Variants in BCAR3 observed in about 807,000 individuals in gnomAD.
The protein encoded by BCAR3 is breast cancer anti-estrogen resistance protein 3.
BCAR3 carries 37 observed loss-of-function variants against 80.1 expected under a neutral mutation model. That is an observed-to-expected ratio of 0.46 (90% confidence interval 0.36 to 0.61). BCAR3 has a LOEUF of 0.61. BCAR3 is among the 20% of genes least tolerant of loss of function. The pLI, the probability that BCAR3 is intolerant of heterozygous loss-of-function variation, is 0.00. For synonymous variants in BCAR3, 389 were observed against 418.9 expected, an observed-to-expected ratio of 0.93 and a Z score of 0.87; for missense variants, 978 against 1,068.2, an observed-to-expected ratio of 0.92 and a Z score of 1.18.
chr1:93,753,542 GTACACACACA>G (rs1183793243), intron 2 of BCAR3: 2 of 113,214 alleles, frequency 1.8e-5, no homozygotes, highest in East Asian at 5.4e-4. Context: ...ATGCACGCGG[GTACACACACA>G]CACACACACA....
chr1:93,810,192 C>CAA (rs111305058), intron 2 of BCAR3, among the ~76,000 whole-genome samples: 2 of 98,854 alleles, frequency 2.0e-5, no homozygotes, highest in Admixed American at 1.1e-4. Context: ...GACTCCATCT[C>CAA]AAAAAAAAAA....
intron 2 of BCAR3, among the ~76,000 whole-genome samples, chr1:93,797,064 T>C (rs939498244): frequency 1.8e-4 from 27 of 152,340 alleles, no homozygotes; most frequent in African/African-American, 6.3e-4. Flanking sequence ...TCCATAAATG[T>C]ATACCTTGTG....
chr1:93,846,319 C>A (rs1655177021), intron 1 of BCAR3, among the ~76,000 whole-genome samples: 1 of 152,194 alleles, frequency 6.6e-6, no homozygotes, highest in African/African-American at 2.4e-5. Context: ...CAGAAACGGG[C>A]TGTGGCCGAG....
chr1:93,634,720 C>CAACAA (rs201051828), intron 3 of BCAR3, among the ~76,000 whole-genome samples: 1 of 129,512 alleles, frequency 7.7e-6, no homozygotes, highest in Non-Finnish European at 1.7e-5. Context: ...ACAACAACAA[C>CAACAA]AAAAAAAAAA....
At chr1:93,607,479 C>G (rs1674806424) in intron 3 of BCAR3, among the ~76,000 whole-genome samples, 1 of 151,964 alleles carries the variant, frequency 6.6e-6, no homozygotes, top group African/African-American at 2.4e-5. Flanking sequence ...GCTTCAGGGG[C>G]CCAGGGAGGA....
chr1:93,739,532 A>G (rs1288982485), intron 2 of BCAR3, among the ~76,000 whole-genome samples: 1 of 152,206 alleles, frequency 6.6e-6, no homozygotes, highest in Non-Finnish European at 1.5e-5. Context: ...TTGCCTATAG[A>G]AATGTAGCCT....
chr1:93,574,941 T>C (rs1050140304), intron 8 of BCAR3, among the ~76,000 whole-genome samples: 1 of 152,198 alleles, frequency 6.6e-6, no homozygotes, highest in Admixed American at 6.5e-5. Context: ...GGGTATTTTC[T>C]ATGGGATGTA....
At chr1:93,730,102 A>G (rs1363501628) in intron 2 of BCAR3, among the ~76,000 whole-genome samples, 1 of 152,166 alleles carries the variant, frequency 6.6e-6, no homozygotes, top group Non-Finnish European at 1.5e-5. Context: ...TTTTCTTTCC[A>G]TATAAGCATC....
At chr1:93,695,663 A>C (rs1649363813) in intron 3 of BCAR3, among the ~76,000 whole-genome samples, 1 of 151,954 alleles carries the variant, frequency 6.6e-6, no homozygotes, top group Non-Finnish European at 1.5e-5. Flanking sequence ...TCTTCCTTTC[A>C]CTGAAGGCTC....
At chr1:93,779,381 T>G (rs1203722649) in intron 2 of BCAR3, among the ~76,000 whole-genome samples, 1 of 152,180 alleles carries the variant, frequency 6.6e-6, no homozygotes, top group Non-Finnish European at 1.5e-5. Flanking sequence ...AAAAGGAAAC[T>G]CCTAACCTCA....
In BCAR3 at chr1:93,618,024, G is replaced by T. The variant is rs552987357; in HGVS notation, c.357+24280C>A. ...CAAAGAGCCAGAGGGCCTGAGGGAG[G>T]AGAGCTGGGAAACCAGGGAGGACAG... On this transcript the variant is annotated intron_variant, in intron 3 of 11. Transcript: ENST00000260502. Among the ~76,000 whole-genome samples, 7 of 152,246 alleles carry T rather than the reference G, an allele frequency of 4.6e-5. 1 individual carries two copies. The highest frequency in any genetic ancestry group is 1.7e-4 in the African/African-American group (7 of 41,460).
intron 3 of BCAR3, among the ~76,000 whole-genome samples, chr1:93,691,183 A>T (rs1260109223): frequency 7.2e-5 from 11 of 152,150 alleles, no homozygotes; most frequent in Admixed American, 7.2e-4. Flanking sequence ...TCCTCTTTCC[A>T]CAACACCCAC....
chr1:93,562,574 C>A (rs1023419755), intron 11 of BCAR3, among the ~76,000 whole-genome samples, 155 bp from the exon 12 acceptor site: 9 of 151,908 alleles, frequency 5.9e-5, no homozygotes, highest in Admixed American at 5.2e-4. Context: ...TCGAGACCAT[C>A]CTGGCTAACA....
At chr1:93,675,177 G>A (rs570909445) in intron 1 of BCAR3, among the ~76,000 whole-genome samples, 7 of 152,086 alleles carry the variant, frequency 4.6e-5, no homozygotes, top group Non-Finnish European at 7.4e-5. Flanking sequence ...AAACCAAGAG[G>A]GCAAACACTT....
chr1:93,808,462 G>C (rs1013527475), intron 2 of BCAR3, among the ~76,000 whole-genome samples: 5 of 152,132 alleles, frequency 3.3e-5, no homozygotes, highest in Non-Finnish European at 7.4e-5. Flanking sequence ...TGTACCTCCT[G>C]TATAGCATTT....
chr1:93,763,164 G>A (rs1035492172), intron 2 of BCAR3, among the ~76,000 whole-genome samples: 2 of 152,132 alleles, frequency 1.3e-5, no homozygotes, highest in Non-Finnish European at 2.9e-5. Context: ...CCCAGGCTCA[G>A]GCAATCCTCC....
At chr1:93,663,976 T>C (rs963635929) in intron 2 of BCAR3, among the ~76,000 whole-genome samples, 2 of 152,238 alleles carry the variant, frequency 1.3e-5, no homozygotes, top group Non-Finnish European at 2.9e-5. Flanking sequence ...GTGTTTATCA[T>C]GTACCTCGAC....
Position 93,794,290 on chromosome 1 carries a change from A to C in BCAR3, c.-63+51277T>G, listed in dbSNP as rs2100778372. ...TCCCATTATTAATGTGTGGGAGTTTAAGTCTCTTTGTAGGTCACTCAGGAC... is the reference window on the plus strand; with the variant it reads ...TCCCATTATTAATGTGTGGGAGTTTCAGTCTCTTTGTAGGTCACTCAGGAC... On this transcript the variant is annotated intron_variant, in intron 2 of 13. Transcript: ENST00000370244. Among the ~76,000 whole-genome samples, 2 of 54,648 alleles carry C rather than the reference A, an allele frequency of 3.7e-5. 1 individual carries two copies. The highest frequency in any genetic ancestry group is 4.4e-4 in the Admixed American group (2 of 4,584). 35.9% of individuals were successfully genotyped at this position (54,648 alleles called of 152,430 possible).
At chr1:93,565,126 G>A (rs1008543931) in intron 11 of BCAR3, among the ~76,000 whole-genome samples, 16 of 151,670 alleles carry the variant, frequency 1.1e-4, no homozygotes, top group Non-Finnish European at 2.2e-4. Flanking sequence ...GACCAGGCTG[G>A]AGTGCAGTGG....
Sources: allele counts gnomAD v4.1 joint callset (sites outside exome capture counted in the v4.1 genomes callset), GRCh38; gene constraint gnomAD v4.1.1; transcripts MANE v1.5; gene names NCBI Gene and HGNC (gene_info 2026-07-23, HGNC 2026-07-21).